ZHX3: variants seen among roughly 807,000 people sequenced by gnomAD.
ZHX3 encodes the protein zinc fingers and homeoboxes protein 3.
In ZHX3, 20 loss-of-function variants were observed where a neutral mutation model predicts 64.5. The observed-to-expected ratio is 0.31, with a 90% CI of 0.22 to 0.45. ZHX3 has a LOEUF of 0.45. Among genes scored for constraint, ZHX3 ranks in the 20% least tolerant of loss-of-function variants. The pLI, the probability that ZHX3 is intolerant of heterozygous loss-of-function variation, is 1.00. For missense variants in ZHX3, 1,041 were observed against 1,195.8 expected, an observed-to-expected ratio of 0.87 and a Z score of 1.91; for synonymous variants, 423 against 461.6, an observed-to-expected ratio of 0.92 and a Z score of 1.07.
At chr20:41,289,635 A>G (rs899099249) in intron 1 of ZHX3, among the ~76,000 whole-genome samples, 9 of 152,182 alleles carry the variant, frequency 5.9e-5, no homozygotes, top group African/African-American at 2.2e-4. Context: ...TATGTCTACC[A>G]AACATTTGAA....
intron 2 of ZHX3, among the ~76,000 whole-genome samples, chr20:41,244,582 TG>T: frequency 6.6e-6 from 1 of 152,336 alleles, no homozygotes; most frequent in East Asian, 1.9e-4. Context: ...CTTTGATGAA[TG>T]TCCAGTAGGA....
Position 41,180,503 on chromosome 20 carries a change from G to C in ZHX3, c.*4688C>G, listed in dbSNP as rs1237327647. ...GCTAAATAGAAACTTCTTTGCCATA[G>C]AAACTTCTCTGTTGAAGGACTGCGT... On this transcript the variant is annotated 3_prime_UTR_variant, in exon 4 of 4. Transcript: ENST00000683867. The C allele has an allele frequency of 6.6e-6, 1 of 152,228 alleles. No individual in the cohort carries two copies. Among genetic ancestry groups the C allele is most frequent in the Non-Finnish European group, 1.5e-5 (1 of 68,070 alleles). The allele number at this position is 152,228 out of a possible 1,614,324, so 9.4% of individuals were successfully genotyped here. A position where few individuals can be genotyped will look rare whatever the true frequency, so the allele number is the denominator to read the frequency against.
In ZHX3 at chr20:41,209,363, A is replaced by G. The variant is rs576672034; in HGVS notation, c.-150-4297T>C. 6.6e-5 allele frequency among the ~76,000 whole-genome samples: 10 copies of G among 152,332 alleles called. 3 individuals are homozygous for G. The highest frequency in any genetic ancestry group is 2.4e-4 in the African/African-American group (10 of 41,568). On this transcript the variant is annotated intron_variant, in intron 2 of 3. Transcript: ENST00000683867. ...ACTTTAAAGGTCATATGGAACAAAAAAAGAGCCCACATTGCCAAGACTATC... is the reference window on the plus strand; with the variant it reads ...ACTTTAAAGGTCATATGGAACAAAAGAAGAGCCCACATTGCCAAGACTATC...
At chr20:41,287,306 C>T (rs927815310) in intron 1 of ZHX3, among the ~76,000 whole-genome samples, 2 of 152,184 alleles carry the variant, frequency 1.3e-5, no homozygotes, top group African/African-American at 4.8e-5. Flanking sequence ...TCTCTATTCC[C>T]TTATTCTGCT....
chr20:41,210,973 G>A (rs557925338), intron 2 of ZHX3, among the ~76,000 whole-genome samples: 1 of 152,246 alleles, frequency 6.6e-6, no homozygotes, highest in Admixed American at 6.5e-5. Flanking sequence ...TCCCTTACCT[G>A]TGAATTTAGA....
At chr20:41,246,383 A>G (rs992578328) in intron 2 of ZHX3, among the ~76,000 whole-genome samples, 1 of 152,236 alleles carries the variant, frequency 6.6e-6, no homozygotes, top group Non-Finnish European at 1.5e-5. Flanking sequence ...CACCTTGAAC[A>G]TTTTAAAATT....
chr20:41,282,918 C>T (rs2043762271), intron 1 of ZHX3, among the ~76,000 whole-genome samples: 1 of 151,868 alleles, frequency 6.6e-6, no homozygotes, highest in South Asian at 2.1e-4. Context: ...TTTATTTATT[C>T]ATTTTTTGGA....
chr20:41,310,681 T>G (rs1046549133), intron 1 of ZHX3, among the ~76,000 whole-genome samples: 1 of 99,830 alleles, frequency 1.0e-5, no homozygotes, highest in South Asian at 2.4e-4. Context: ...GGGGAAGAGG[T>G]TTTTTTTTTT....
At chr20:41,215,737 A>C (rs771304600) in intron 2 of ZHX3, among the ~76,000 whole-genome samples, 7 of 148,668 alleles carry the variant, frequency 4.7e-5, no homozygotes, top group Non-Finnish European at 1.0e-4. Flanking sequence ...GATCGAGACC[A>C]TCCTGGCTAA....
chr20:41,182,083 A>T lies in ZHX3; in HGVS notation c.*3108T>A, dbSNP rs2036271341. ...AGCTCCTTTATAGTCAAAAACGAAA[A>T]CAAGTAATCAAAATATACAAAGCAT... is the stretch of plus-strand genomic sequence containing the variant. On this transcript the variant is annotated 3_prime_UTR_variant, in exon 4 of 4. Coordinates refer to ENST00000683867, the MANE Select transcript of ZHX3 (RefSeq NM_001384317.1). This position sits in a 1 kb window ranked among gnomAD's most constrained non-coding sequence, Gnocchi z 6.1. 1 of 152,216 alleles carries T rather than the reference A, an allele frequency of 6.6e-6. No homozygotes were observed. Among genetic ancestry groups the T allele is most frequent in the Non-Finnish European group, 1.5e-5 (1 of 68,044 alleles). The allele number at this position is 152,216 out of a possible 1,614,324, so 9.4% of individuals were successfully genotyped here.
At chr20:41,305,385 C>T (rs1344505660) in intron 1 of ZHX3, among the ~76,000 whole-genome samples, 1 of 152,062 alleles carries the variant, frequency 6.6e-6, no homozygotes, top group Non-Finnish European at 1.5e-5. Context: ...CCCAGCTACT[C>T]GGGAGGCTGA....
intron 1 of ZHX3, among the ~76,000 whole-genome samples, chr20:41,306,483 A>T (rs1006413501): frequency 1.3e-5 from 2 of 152,240 alleles, no homozygotes; most frequent in Non-Finnish European, 2.9e-5. Flanking sequence ...CAGTCATTCT[A>T]TAAAGCTCTC....
At chr20:41,291,359 G>A (rs2044228108) in intron 1 of ZHX3, among the ~76,000 whole-genome samples, 1 of 152,190 alleles carries the variant, frequency 6.6e-6, no homozygotes, top group East Asian at 1.9e-4. Flanking sequence ...CACAAATGTT[G>A]CAGAATTAGG....
intron 2 of ZHX3, among the ~76,000 whole-genome samples, chr20:41,250,410 G>A (rs987897248): frequency 9.9e-5 from 15 of 152,162 alleles, no homozygotes; most frequent in African/African-American, 2.9e-4. Context: ...TTGGCCAGGC[G>A]TGGTAGCTCA....
chr20:41,303,580 A>C (rs2044887918), intron 1 of ZHX3, among the ~76,000 whole-genome samples: 1 of 152,168 alleles, frequency 6.6e-6, no homozygotes, highest in African/African-American at 2.4e-5. Context: ...CCTTCTATAG[A>C]CTTCTCTGTA....
chr20:41,233,340 C>T (rs1568866439), intron 2 of ZHX3, among the ~76,000 whole-genome samples: 1 of 152,316 alleles, frequency 6.6e-6, no homozygotes, highest in South Asian at 2.1e-4. Flanking sequence ...AAATCCCAGC[C>T]GGCCACTTTT....
chr20:41,261,399 C>G (rs1186165827), intron 2 of ZHX3, among the ~76,000 whole-genome samples: 6 of 152,164 alleles, frequency 3.9e-5, no homozygotes, highest in Non-Finnish European at 7.4e-5. Flanking sequence ...ATTCATCTAC[C>G]AAACTGTTTC....
In ZHX3 at chr20:41,200,572, T is replaced by C. The variant is rs1478647704; in HGVS notation, c.2860+1485A>G. Among the ~76,000 whole-genome samples the C allele has an allele frequency of 6.6e-6, 1 of 152,158 alleles. No individual in the cohort carries two copies. Among genetic ancestry groups the C allele is most frequent in the Non-Finnish European group, 1.5e-5 (1 of 68,016 alleles). On this transcript the variant is annotated intron_variant, in intron 3 of 3. Transcript: ENST00000683867. The surrounding 1 kb of genome is among the most constrained non-coding windows in gnomAD (Gnocchi z 4.2). Reference sequence around the variant, plus strand: ...CCCAAAGGAGGGGAGTGTTTTGTTGTTGCCGTATTGAAAACATGGCTGGAG... The same window carrying C: ...CCCAAAGGAGGGGAGTGTTTTGTTGCTGCCGTATTGAAAACATGGCTGGAG...
chr20:41,306,276 A>G (rs947283239), intron 1 of ZHX3, among the ~76,000 whole-genome samples: 1 of 152,226 alleles, frequency 6.6e-6, no homozygotes, highest in Non-Finnish European at 1.5e-5. Context: ...ACTCCCAACT[A>G]TATTTGCATA....
Sources: gnomAD v4.1 joint callset for allele counts (sites outside exome capture counted in the v4.1 genomes callset) on GRCh38, gnomAD v4.1.1 for gene constraint, Gnocchi (gnomAD v3.1) non-coding constraint, MANE v1.5 for transcripts, NCBI Gene and HGNC (gene_info 2026-07-23, HGNC 2026-07-21) for gene names.